Variants in ACADM observed in about 807,000 individuals in gnomAD.
The protein encoded by ACADM is acyl-CoA dehydrogenase medium chain.
Under a neutral mutation model 58.9 loss-of-function variants are expected in ACADM, and 49 were observed. That is an observed-to-expected ratio of 0.83 (90% CI 0.66 to 1.06). The LOEUF (loss-of-function observed/expected upper bound fraction) is 1.06, where lower values mean the gene tolerates loss of function less well. Ranked by LOEUF, ACADM falls within the 50% of genes least tolerant of loss-of-function variation. ACADM has a pLI of 0.00. For missense variants in ACADM, 496 were observed against 507.0 expected (o/e 0.98, Z 0.21); for synonymous variants, 160 against 157.7 (o/e 1.01, Z -0.11).
chr1:75,761,219 G>A lies in ACADM; in HGVS notation c.1043G>A (p.Arg348His), dbSNP rs1178040502. Residue 348 changes from arginine to histidine, a missense_variant, in exon 11 of 12, where the codon CGT (arginine) becomes CAT (histidine). Arg to His is a conservative substitution (Grantham distance 29, BLOSUM62 0). Coordinates refer to ENST00000370841, the MANE Select transcript of ACADM (RefSeq NM_000016.6). ...GCAGCTTGGGAGGTTGATTCTGGTC[G>A]TCGAAATACCTATTATGCTTCTATT... ...QRAAWEVDSG[R>H]RNTYYASIAK... 1.2e-5 allele frequency: 20 copies of A among 1,614,026 alleles called. No individual in the cohort carries two copies. Among genetic ancestry groups the A allele is most frequent in the African/African-American group, 6.7e-5 (5 of 74,920 alleles).
intron 10 of ACADM, among the ~76,000 whole-genome samples, chr1:75,754,723 A>G (rs1648401756): frequency 6.6e-6 from 1 of 152,216 alleles, no homozygotes; most frequent in Non-Finnish European, 1.5e-5. Context: ...TGATTTCTGC[A>G]TTTCCAGCTG....
Position 75,728,456 on chromosome 1 carries a change from G to T in ACADM, c.86G>T (p.Arg29Leu), listed in dbSNP as rs769906625. ...AGATCACAGCATACAAAAGCCAATC[G>T]ACAACGTGAACCAGGATTAGGATTT... ...HWRSQHTKAN[R>L]QREPGLGFSF... Residue 29 changes from arginine (R) to leucine (L), a missense_variant, in exon 2 of 12, where the codon CGA (arginine) becomes CTA (leucine). Arg to Leu is a moderately radical substitution (Grantham distance 102). Transcript: ENST00000370841. 6 of 1,613,210 alleles carry T rather than the reference G, an allele frequency of 3.7e-6. No homozygotes were observed. In the South Asian group the frequency reaches 4.4e-5, roughly 12 times the overall value.
intron 9 of ACADM, among the ~76,000 whole-genome samples, chr1:75,750,194 T>C (rs1317198458): frequency 6.6e-6 from 1 of 152,190 alleles, no homozygotes; most frequent in African/African-American, 2.4e-5. Flanking sequence ...TAAGAACATT[T>C]CCCCTAGTAA....
chr1:75,725,372 T>C (rs1647035834), intron 1 of ACADM, among the ~76,000 whole-genome samples: 1 of 152,248 alleles, frequency 6.6e-6, no homozygotes, highest in South Asian at 2.1e-4. Flanking sequence ...ATTCTTGATA[T>C]GTTCACACCA....
intron 8 of ACADM, among the ~76,000 whole-genome samples, chr1:75,748,197 AAAAT>A (rs1648005235): frequency 6.6e-6 from 1 of 152,222 alleles, no homozygotes; most frequent in Non-Finnish European, 1.5e-5. Flanking sequence ...AGAGAAATAA[AAAAT>A]AAAGCAAATG....
chr1:75,734,160 A>ATTT (rs1160368175), intron 5 of ACADM, among the ~76,000 whole-genome samples: 3 of 84,232 alleles, frequency 3.6e-5, no homozygotes, highest in East Asian at 2.7e-4. Flanking sequence ...TAATTTTTGT[A>ATTT]TTTTTTTTTT....
intron 8 of ACADM, among the ~76,000 whole-genome samples, chr1:75,749,005 A>G (rs759317610): frequency 1.3e-5 from 2 of 152,228 alleles, no homozygotes; most frequent in African/African-American, 2.4e-5. Context: ...TTTTTCTGAC[A>G]TGGTAAAATA....
At chr1:75,743,983 C>G in intron 7 of ACADM, 1 of 1,564,398 alleles carries the variant, frequency 6.4e-7, no homozygotes, top group Non-Finnish European at 8.8e-7. Context: ...CTCTTTGTGC[C>G]GAGCCCTCAT....
At chr1:75,740,354 A>G (rs1356055842) in intron 7 of ACADM, among the ~76,000 whole-genome samples, 1 of 152,296 alleles carries the variant, frequency 6.6e-6, no homozygotes, top group East Asian at 1.9e-4. Flanking sequence ...GCTCTGTTTG[A>G]ATCTGATTAG....
chr1:75,761,970 G>A (rs1648883818), intron 11 of ACADM, among the ~76,000 whole-genome samples: 1 of 152,174 alleles, frequency 6.6e-6, no homozygotes, highest in Non-Finnish European at 1.5e-5. Context: ...TCCAGTCATT[G>A]GAAATACTGA....
chr1:75,749,915 G>T (rs1469107333), intron 9 of ACADM, among the ~76,000 whole-genome samples: 1 of 151,864 alleles, frequency 6.6e-6, no homozygotes, highest in Non-Finnish European at 1.5e-5. Flanking sequence ...GTTTCATGAT[G>T]TTGGCCAGGA....
chr1:75,758,460 A>C (rs1055367176), intron 10 of ACADM, among the ~76,000 whole-genome samples: 2 of 152,162 alleles, frequency 1.3e-5, no homozygotes, highest in Admixed American at 6.5e-5. Context: ...CTCCCTGGGA[A>C]TCTCACCCTG....
At chr1:75,738,726 G>A (rs1238719796) in intron 6 of ACADM, among the ~76,000 whole-genome samples, 1 of 152,042 alleles carries the variant, frequency 6.6e-6, no homozygotes, top group Non-Finnish European at 1.5e-5. Context: ...ATTACAGGTG[G>A]GGGGCCACCA....
intron 7 of ACADM, chr1:75,744,739 C>T: frequency 1.4e-6 from 1 of 735,798 alleles, no homozygotes. Context: ...GAGCGAGTGG[C>T]TGAACGCCCG....
chr1:75,745,114 G>C (rs955178358), intron 7 of ACADM, among the ~76,000 whole-genome samples: 1 of 151,942 alleles, frequency 6.6e-6, no homozygotes, highest in Non-Finnish European at 1.5e-5. Context: ...TTATTATAAA[G>C]TTTAATCTAT....
chr1:75,749,980 G>A (rs146722744), intron 9 of ACADM, among the ~76,000 whole-genome samples: 7,451 of 151,514 alleles, frequency 0.049, 278 homozygotes, highest in African/African-American at 0.11. Flanking sequence ...CAAAGTGCTG[G>A]GATTACAGGC....
At chr1:75,733,753 G>A (rs1647191425) in intron 5 of ACADM, 125 bp downstream of exon 5, 2 of 753,344 alleles carry the variant, frequency 2.7e-6, no homozygotes, top group Admixed American at 4.4e-5. Flanking sequence ...AGGTTAGTGG[G>A]TACACACAGT....
At position 75,733,112 on chromosome 1, in the gene ACADM, T is replaced by C. The variant is rs750012444; in HGVS notation, c.286+190T>C. 4.3e-5 allele frequency: 70 copies of C among 1,612,808 alleles called. No individual in the cohort carries two copies. The Admixed American group carries it at 6.0e-4, about 14-fold the overall frequency. Reference sequence around the variant, plus strand: ...TATACCTAGATGCGTTTTTCCTTCTTCTAACTGGTTCCAACCTTAACTTGC... The same window carrying C: ...TATACCTAGATGCGTTTTTCCTTCTCCTAACTGGTTCCAACCTTAACTTGC... On this transcript the variant is annotated intron_variant, in intron 4 of 11. Coordinates refer to ENST00000370841, the MANE Select transcript of ACADM (RefSeq NM_000016.6).
intron 2 of ACADM, among the ~76,000 whole-genome samples, chr1:75,731,450 A>C (rs755856607): frequency 8.6e-5 from 13 of 152,034 alleles, no homozygotes; most frequent in Admixed American, 2.0e-4. Context: ...ATACCCTATT[A>C]TCTCTTAAAT....
Sources: gnomAD v4.1 joint callset for allele counts (sites outside exome capture counted in the v4.1 genomes callset) on GRCh38, gnomAD v4.1.1 for gene constraint, MANE v1.5 for transcripts, NCBI Gene and HGNC (gene_info 2026-07-23, HGNC 2026-07-21) for gene names.